Variants in CYB5R4 observed in about 807,000 individuals in gnomAD.
The protein encoded by CYB5R4 is cytochrome b5 reductase 4, also known as N-terminal cytochrome b5 and cytochrome b5 oxidoreductase domain-containing protein.
In CYB5R4, 55 loss-of-function variants were observed where a neutral mutation model predicts 70.2. That is an observed-to-expected ratio of 0.78 (90% CI 0.63 to 0.98). The LOEUF is 0.98. Ranked by LOEUF, CYB5R4 falls within the 50% of genes least tolerant of loss-of-function variation. The pLI is 0.00. For missense variants in CYB5R4, 562 were observed against 612.6 expected (o/e 0.92, Z 0.87); for synonymous variants, 197 against 199.5 (o/e 0.99, Z 0.11).
rs61762811 is a variant in CYB5R4 at position 83,909,357 on chromosome 6, T to C, written c.412+267T>C. 4.7e-3 allele frequency among the ~76,000 whole-genome samples: 723 copies of C among 152,324 alleles called. 2 individuals are homozygous for C. The highest frequency in any genetic ancestry group is 0.017 in the Middle Eastern group (5 of 294). On this transcript the variant is annotated intron_variant, in intron 4 of 15. Transcript: ENST00000369681. ...TGATTTTTAGATTAGTTTTTTAGAA[T>C]TTAATTTTTTGAATAATATAGTCAC...
intron 15 of CYB5R4, among the ~76,000 whole-genome samples, chr6:83,958,682 T>C (rs1033938194): frequency 2.6e-5 from 4 of 152,160 alleles, no homozygotes; most frequent in African/African-American, 9.7e-5. Flanking sequence ...TGTGCCCTAC[T>C]GGCCCTTTGT....
intron 3 of CYB5R4, among the ~76,000 whole-genome samples, chr6:83,903,646 A>G (rs768527676): frequency 6.6e-6 from 1 of 151,968 alleles, no homozygotes; most frequent in Non-Finnish European, 1.5e-5. Context: ...TTTACAGTGA[A>G]TCCATCTAGT....
intron 10 of CYB5R4, among the ~76,000 whole-genome samples, chr6:83,930,144 C>T (rs2099467936): frequency 6.6e-6 from 1 of 152,068 alleles, no homozygotes. Context: ...TTCAGTGAAT[C>T]ATAATCTTTT....
chr6:83,871,420 C>A (rs1295135395), intron 2 of CYB5R4, among the ~76,000 whole-genome samples: 1 of 151,940 alleles, frequency 6.6e-6, no homozygotes, highest in Non-Finnish European at 1.5e-5. Context: ...TTACTTTTAC[C>A]CTGTCTTTAT....
At position 83,934,709 on chromosome 6, in the gene CYB5R4, A is replaced by G; in HGVS notation, c.929A>G (p.His310Arg). 1 of 1,613,548 alleles carries G rather than the reference A, an allele frequency of 6.2e-7. No individual in the cohort carries two copies. Among genetic ancestry groups the G allele is most frequent in the African/African-American group, 1.3e-5 (1 of 75,044 alleles). ...CATCTTCAAGTGCCCATTGGGCAAC[A>G]TGTTTACCTCAAGCTACCTATTACA... ...STHLQVPIGQ[H>R]VYLKLPITGT... is the part of the protein sequence containing the mutation. The change falls in exon 11 of 16, where the codon CAT (histidine) becomes CGT (arginine). Residue 310 changes from histidine (H) to arginine (R), a missense_variant. Transcript: ENST00000369681.
intron 2 of CYB5R4, among the ~76,000 whole-genome samples, chr6:83,866,940 G>T (rs150435479): frequency 6.6e-6 from 1 of 152,214 alleles, no homozygotes; most frequent in East Asian, 1.9e-4. Context: ...AGAGGTTTCT[G>T]CTGGGGAACA....
intron 4 of CYB5R4, chr6:83,910,111 A>G: frequency 6.2e-7 from 1 of 1,605,304 alleles, no homozygotes; most frequent in Admixed American, 1.7e-5. Context: ...GATAGACACC[A>G]GGACCTATAG....
intron 14 of CYB5R4, among the ~76,000 whole-genome samples, chr6:83,954,975 T>C (rs1009817438): frequency 1.3e-5 from 2 of 151,670 alleles, no homozygotes; most frequent in Non-Finnish European, 2.9e-5. Context: ...CAAACTCCTG[T>C]TCTCAAACAA....
intron 2 of CYB5R4, among the ~76,000 whole-genome samples, chr6:83,867,195 C>A (rs2099456864): frequency 1.3e-5 from 2 of 152,020 alleles, no homozygotes; most frequent in Non-Finnish European, 2.9e-5. Flanking sequence ...ATCAGGGATG[C>A]TTTTGTGGTA....
intron 1 of CYB5R4, among the ~76,000 whole-genome samples, chr6:83,862,898 T>C (rs1463230151): frequency 6.6e-6 from 1 of 152,198 alleles, no homozygotes; most frequent in Non-Finnish European, 1.5e-5. Context: ...ATTGATAGGA[T>C]AGAATGTGAA....
chr6:83,957,622 CAAAAAAA>C (rs34196225), intron 15 of CYB5R4, among the ~76,000 whole-genome samples: 7 of 66,948 alleles, frequency 1.0e-4, no homozygotes, highest in Admixed American at 1.6e-4. Context: ...AACTCTGTCT[CAAAAAAA>C]AAAAAAAAAA....
intron 2 of CYB5R4, among the ~76,000 whole-genome samples, chr6:83,877,671 G>C (rs6909823): frequency 0.18 from 27,640 of 152,042 alleles, 5,326 homozygotes; most frequent in African/African-American, 0.47. Flanking sequence ...GATCTACCCC[G>C]ATGAACCAGA....
chr6:83,913,848 T>C (rs996570153), intron 4 of CYB5R4, among the ~76,000 whole-genome samples: 1 of 152,156 alleles, frequency 6.6e-6, no homozygotes, highest in Non-Finnish European at 1.5e-5. Context: ...GCTTTGTGAG[T>C]TGGCCGCCAT....
intron 3 of CYB5R4, among the ~76,000 whole-genome samples, chr6:83,896,602 C>CT (rs1173616350): frequency 2.6e-5 from 4 of 152,108 alleles, no homozygotes; most frequent in Non-Finnish European, 5.9e-5. Flanking sequence ...TAATTTCATT[C>CT]TTTTTTATGG....
intron 8 of CYB5R4, 44 bp downstream of exon 8, chr6:83,921,219 TTAAA>T (rs2099466326): frequency 2.9e-6 from 4 of 1,401,152 alleles, no homozygotes; most frequent in Middle Eastern, 2.6e-4. Flanking sequence ...CTGGTTTTCT[TTAAA>T]TATGGCAATA....
In CYB5R4 at chr6:83,859,704, C is replaced by T; in HGVS notation, c.-79C>T. On this transcript the variant is annotated 5_prime_UTR_variant, in exon 1 of 16. Coordinates refer to ENST00000369681, the MANE Select transcript of CYB5R4 (RefSeq NM_016230.4). ...AGTGGGTCGGGGGCTTGGCCTCTGC[C>T]CGGCCACAGAGCCGGAGCTGGAGGT... The T allele has an allele frequency of 6.6e-7, 1 of 1,520,744 alleles. No individual in the cohort carries two copies. The highest frequency in any genetic ancestry group is 1.2e-5 in the South Asian group (1 of 86,758). 94.2% of individuals were successfully genotyped at this position (1,520,744 alleles called of 1,614,324 possible).
chr6:83,859,804 T>G lies in CYB5R4; in HGVS notation c.22T>G (p.Ser8Ala). The G allele has an allele frequency of 6.2e-7, 1 of 1,613,552 alleles. No individual in the cohort carries two copies. Among genetic ancestry groups the G allele is most frequent in the Non-Finnish European group, 8.5e-7 (1 of 1,179,864 alleles). The change falls in exon 1 of 16, where the codon TCT becomes GCT. Residue 8 changes from serine (S) to alanine (A), a missense_variant. Transcript: ENST00000369681. ...GAAGATGCTGAACGTCCCTTCCCAG[T>G]CTTTCCCGGCCCCCAGGTCGCAGCA... MLNVPSQ[S>A]FPAPRSQQRV... is the part of the protein sequence containing the mutation.
intron 2 of CYB5R4, among the ~76,000 whole-genome samples, chr6:83,865,493 C>CT (rs1368666583): frequency 6.6e-6 from 1 of 152,128 alleles, no homozygotes; most frequent in Non-Finnish European, 1.5e-5. Flanking sequence ...TGCTGGCAAT[C>CT]TTTGGAGTTC....
At chr6:83,943,895 G>A (rs1380679433) in intron 14 of CYB5R4, among the ~76,000 whole-genome samples, 10 of 152,112 alleles carry the variant, frequency 6.6e-5, no homozygotes, top group African/African-American at 1.9e-4. Context: ...AAAGTGAGAA[G>A]ACAAGATTAG....
Sources: allele counts gnomAD v4.1 joint callset (sites outside exome capture counted in the v4.1 genomes callset), GRCh38; gene constraint gnomAD v4.1.1; transcripts MANE v1.5; gene names NCBI Gene and HGNC (gene_info 2026-07-23, HGNC 2026-07-21).